The following FLVCR2 variants were observed in gnomAD, a reference collection of about 807,000 sequenced individuals.
The protein encoded by FLVCR2 is choline/ethanolamine transporter FLVCR2.
FLVCR2 carries 38 observed loss-of-function variants against 48.9 expected under a neutral mutation model. That is an observed-to-expected ratio of 0.78 (90% confidence interval 0.60 to 1.02). The LOEUF is 1.02. FLVCR2 is among the 50% of genes least tolerant of loss of function. The pLI is 0.00. For synonymous variants in FLVCR2, 255 were observed against 257.0 expected (o/e 0.99, Z 0.07); for missense variants, 664 against 663.3 (o/e 1.00, Z -0.01).
chr14:75,627,517 C>T (rs980229124), intron 3 of FLVCR2, among the ~76,000 whole-genome samples: 4 of 152,160 alleles, frequency 2.6e-5, no homozygotes, highest in Admixed American at 2.0e-4. Context: ...CCAGCAGCCT[C>T]GCAGCCGTGG....
intron 1 of FLVCR2, among the ~76,000 whole-genome samples, chr14:75,621,780 G>A (rs948998349): frequency 6.6e-6 from 1 of 152,192 alleles, no homozygotes. Context: ...AGATATGGGA[G>A]TAGAGGAACC....
chr14:75,601,661 T>G (rs1229117870), intron 1 of FLVCR2, among the ~76,000 whole-genome samples: 1 of 152,150 alleles, frequency 6.6e-6, no homozygotes, highest in Non-Finnish European at 1.5e-5. Context: ...TACCATATGA[T>G]CCAGCAATTC....
chr14:75,579,023 G>A lies in FLVCR2; in HGVS notation c.51G>A (p.Pro17=), dbSNP rs1294085911. The change falls in exon 1 of 10, where the codon CCG becomes CCA. Residue 17 remains proline (P), a synonymous_variant. Transcript: ENST00000238667. ...NQEESDDTPV[P]ESALQADPSV... is the part of the protein sequence containing the mutation. ...AAGAGAGCGATGACACCCCTGTGCC[G>A]GAGTCCGCACTCCAAGCGGACCCCA... The A allele has an allele frequency of 3.1e-6, 5 of 1,614,034 alleles. No homozygotes were observed. Among genetic ancestry groups the A allele is most frequent in the Non-Finnish European group, 4.2e-6 (5 of 1,180,000 alleles).
chr14:75,604,562 TA>T (rs11306197), intron 1 of FLVCR2, among the ~76,000 whole-genome samples: 49,654 of 146,222 alleles, frequency 0.34, 10,649 homozygotes, highest in East Asian at 0.65. Context: ...TGTCTCTACC[TA>T]AAAAAAAAAA....
At chr14:75,617,111 G>T (rs1468792535) in intron 1 of FLVCR2, among the ~76,000 whole-genome samples, 1 of 152,176 alleles carries the variant, frequency 6.6e-6, no homozygotes, top group Non-Finnish European at 1.5e-5. Context: ...GTGGTTCTGT[G>T]GATCTCAGAG....
At chr14:75,619,481 CCA>C (rs1889707520) in intron 1 of FLVCR2, among the ~76,000 whole-genome samples, 1 of 115,300 alleles carries the variant, frequency 8.7e-6, no homozygotes, top group African/African-American at 4.1e-5. Context: ...ATCTGCTCAT[CCA>C]TCCATCCATC....
intron 3 of FLVCR2, chr14:75,632,721 T>C: frequency 2.8e-6 from 2 of 702,334 alleles, no homozygotes; most frequent in South Asian, 3.0e-5. Context: ...GTGGTAGTCT[T>C]GTGAGCCTCA....
chr14:75,610,522 C>A lies in FLVCR2; in HGVS notation c.670-11557C>A, dbSNP rs530611927. Among the ~76,000 whole-genome samples, 37 of 152,202 alleles carry A rather than the reference C, an allele frequency of 2.4e-4. 2 individuals are homozygous for A. The highest frequency in any genetic ancestry group is 1.9e-3 in the Admixed American group (29 of 15,286). On this transcript the variant is annotated intron_variant, in intron 1 of 9. Coordinates refer to ENST00000238667, the MANE Select transcript of FLVCR2 (RefSeq NM_017791.3). ...TCTTCACCTAAACTTAGCAACTTCT[C>A]TGTTTACAGCCTAGTGTATCTCTGC...
chr14:75,634,512 T>G (rs1890117974), intron 4 of FLVCR2, among the ~76,000 whole-genome samples: 1 of 152,236 alleles, frequency 6.6e-6, no homozygotes, highest in Non-Finnish European at 1.5e-5. Flanking sequence ...CCATTCCTCT[T>G]GGCATTGATA....
chr14:75,622,645 A>G (rs1889794499), intron 2 of FLVCR2, among the ~76,000 whole-genome samples: 1 of 152,192 alleles, frequency 6.6e-6, no homozygotes, highest in South Asian at 2.1e-4. Context: ...ACTTAAGGGA[A>G]GTTATATAAA....
chr14:75,619,093 G>A (rs1447830450), intron 1 of FLVCR2, among the ~76,000 whole-genome samples: 3 of 151,934 alleles, frequency 2.0e-5, no homozygotes, highest in Admixed American at 2.0e-4. Flanking sequence ...GCATGTTGGT[G>A]GGCACCTGTA....
chr14:75,628,611 CTGGACATGGG>C (rs1889964708), intron 3 of FLVCR2, among the ~76,000 whole-genome samples: 1 of 152,188 alleles, frequency 6.6e-6, no homozygotes, highest in Non-Finnish European at 1.5e-5. Context: ...GGCACATGTA[CTGGACATGGG>C]TGGACATGTC....
At chr14:75,600,139 A>C (rs1372710651) in intron 1 of FLVCR2, among the ~76,000 whole-genome samples, 1 of 152,228 alleles carries the variant, frequency 6.6e-6, no homozygotes, top group Non-Finnish European at 1.5e-5. Flanking sequence ...AACAGTGATG[A>C]AAGTGACCTC....
chr14:75,582,757 G>C (rs945277897), intron 1 of FLVCR2, among the ~76,000 whole-genome samples: 1 of 152,092 alleles, frequency 6.6e-6, no homozygotes, highest in African/African-American at 2.4e-5. Flanking sequence ...AGTGGCGAAA[G>C]GATTTAGGAT....
chr14:75,621,700 A>G lies in FLVCR2; in HGVS notation c.670-379A>G, dbSNP rs1448132475. Reference sequence around the variant, plus strand: ...CAGCTGGGCTCTCAGCTCTGGGTTAACAGATTCAGTGAAACTAAAAATTTG... The same window carrying G: ...CAGCTGGGCTCTCAGCTCTGGGTTAGCAGATTCAGTGAAACTAAAAATTTG... On this transcript the variant is annotated intron_variant, in intron 1 of 9. Transcript: ENST00000238667. 2.0e-5 allele frequency among the ~76,000 whole-genome samples: 3 copies of G among 152,244 alleles called. No individual in the cohort carries two copies. The East Asian group carries it at 5.8e-4, about 29-fold the overall frequency.
chr14:75,623,417 T>G (rs991878126), intron 2 of FLVCR2, among the ~76,000 whole-genome samples: 1 of 151,718 alleles, frequency 6.6e-6, no homozygotes, highest in Admixed American at 6.6e-5. Context: ...AAGACAGAGG[T>G]TTTTATTTTC....
Position 75,622,258 on chromosome 14 carries a change from G to A in FLVCR2, c.811+38G>A, listed in dbSNP as rs200357003. 3.6e-4 allele frequency: 581 copies of A among 1,606,330 alleles called. 1 individual carries two copies. The highest frequency in any genetic ancestry group is 1.2e-3 in the African/African-American group (89 of 74,878). ...GTAAACAGATGGGGTAGCAGGGGGC[G>A]AAGGGGCAGGGAGATTCTGCTGACT... On this transcript the variant is annotated intron_variant, in intron 2 of 9. Coordinates refer to ENST00000238667, the MANE Select transcript of FLVCR2 (RefSeq NM_017791.3).
intron 1 of FLVCR2, among the ~76,000 whole-genome samples, chr14:75,616,047 A>AAAAAAAAAAAAC (rs1259725425): frequency 6.7e-6 from 1 of 148,150 alleles, no homozygotes; most frequent in African/African-American, 2.5e-5. Context: ...AAAAAAAAAA[A>AAAAAAAAAAAAC]ATAGCGTAAG....
intron 1 of FLVCR2, among the ~76,000 whole-genome samples, chr14:75,584,106 C>T (rs1006758246): frequency 3.3e-5 from 5 of 152,208 alleles, no homozygotes; most frequent in Non-Finnish European, 7.4e-5. Flanking sequence ...TGCGGGCATT[C>T]TGAGGCCCAG....
Sources: gnomAD v4.1 joint callset for allele counts (sites outside exome capture counted in the v4.1 genomes callset) on GRCh38, gnomAD v4.1.1 for gene constraint, MANE v1.5 for transcripts, NCBI Gene and HGNC (gene_info 2026-07-23, HGNC 2026-07-21) for gene names.